Variants in EYS observed in about 807,000 individuals in gnomAD.
EYS encodes the protein protein eyes shut homolog.
EYS carries 250 observed loss-of-function variants against 282.1 expected under a neutral mutation model. The ratio of observed to expected loss-of-function variants is 0.89; its 90% CI spans 0.80 to 0.98. The LOEUF (loss-of-function observed/expected upper bound fraction) is 0.98. Ranked by LOEUF, EYS falls within the 50% of genes least tolerant of loss-of-function variation. The probability of loss-of-function intolerance (pLI) is 0.00; values close to 1 mark genes in which losing one functional copy is unlikely to be tolerated. For synonymous variants in EYS, 1,355 were observed against 1,282.9 expected (o/e 1.06, Z -1.20); for missense variants, 4,016 against 3,709.0 (o/e 1.08, Z -2.15).
At chr6:63,803,742 G>T (rs1482144006) in intron 37 of EYS, among the ~76,000 whole-genome samples, 1 of 152,166 alleles carries the variant, frequency 6.6e-6, no homozygotes, top group East Asian at 1.9e-4. Flanking sequence ...CAGACACTGG[G>T]CTAAGCATGG....
chr6:65,585,858 G>T, intron 2 of EYS, among the ~76,000 whole-genome samples: 1 of 151,942 alleles, frequency 6.6e-6, no homozygotes, highest in South Asian at 2.1e-4. Flanking sequence ...AATACTAAAA[G>T]GTTTAGTAAC....
At chr6:65,279,209 A>T (rs1768149875) in intron 12 of EYS, among the ~76,000 whole-genome samples, 1 of 148,104 alleles carries the variant, frequency 6.8e-6, no homozygotes, top group African/African-American at 2.4e-5. Flanking sequence ...AATAATAATA[A>T]CAAATAACAA....
At chr6:63,804,461 A>C (rs910632269) in intron 37 of EYS, among the ~76,000 whole-genome samples, 4 of 152,246 alleles carry the variant, frequency 2.6e-5, no homozygotes, top group African/African-American at 9.6e-5. Flanking sequence ...CATAATTTGC[A>C]CATGGTGGAG....
At chr6:64,218,875 G>C (rs1386624098) in intron 31 of EYS, among the ~76,000 whole-genome samples, 2 of 152,162 alleles carry the variant, frequency 1.3e-5, no homozygotes, top group South Asian at 2.1e-4. Context: ...TCCAATTGAT[G>C]ATGAGGAAGG....
intron 19 of EYS, among the ~76,000 whole-genome samples, chr6:64,847,722 C>A (rs1476362972): frequency 1.3e-5 from 2 of 151,890 alleles, no homozygotes; most frequent in African/African-American, 2.4e-5. Context: ...AACAAACAAA[C>A]AAAAAAACCA....
chr6:65,476,991 A>G (rs755039330), intron 5 of EYS, among the ~76,000 whole-genome samples: 1 of 152,212 alleles, frequency 6.6e-6, no homozygotes, highest in Non-Finnish European at 1.5e-5. Context: ...TCAAATCAAC[A>G]TTCTAAGAAA....
At chr6:65,049,419 A>G (rs941694002) in intron 13 of EYS, among the ~76,000 whole-genome samples, 1 of 151,776 alleles carries the variant, frequency 6.6e-6, no homozygotes, top group African/African-American at 2.4e-5. Flanking sequence ...GCACTTATCA[A>G]TATATACTTC....
chr6:64,238,290 C>T (rs1273294013), intron 30 of EYS, among the ~76,000 whole-genome samples: 1 of 152,086 alleles, frequency 6.6e-6, no homozygotes, highest in African/African-American at 2.4e-5. Flanking sequence ...CATTGCAGAC[C>T]GCTGTTTCAC....
At chr6:65,420,485 C>T (rs531708012) in intron 5 of EYS, among the ~76,000 whole-genome samples, 148 of 152,012 alleles carry the variant, frequency 9.7e-4, no homozygotes, top group African/African-American at 3.4e-3. Flanking sequence ...GCAGTTGCTT[C>T]TTCTACTGTT....
At chr6:64,070,615 C>A (rs916782033) in intron 32 of EYS, among the ~76,000 whole-genome samples, 1 of 151,968 alleles carries the variant, frequency 6.6e-6, no homozygotes, top group African/African-American at 2.4e-5. Flanking sequence ...TTCATAGTGT[C>A]TAGTTAAACT....
At chr6:64,197,585 T>C (rs887708903) in intron 31 of EYS, among the ~76,000 whole-genome samples, 5 of 152,186 alleles carry the variant, frequency 3.3e-5, no homozygotes, top group Non-Finnish European at 7.3e-5. Context: ...TTGTCAGAAA[T>C]AGTTTCCTCA....
intron 26 of EYS, among the ~76,000 whole-genome samples, chr6:64,548,965 A>G (rs892908236): frequency 2.0e-5 from 3 of 152,214 alleles, no homozygotes; most frequent in Admixed American, 6.5e-5. Context: ...AACAGCGTCT[A>G]CAGTGCTCAG....
At chr6:65,599,667 G>C (rs1263787694) in intron 2 of EYS, among the ~76,000 whole-genome samples, 1 of 151,996 alleles carries the variant, frequency 6.6e-6, no homozygotes, top group Admixed American at 6.6e-5. Context: ...AATATGAAAT[G>C]TTTATTCAGA....
chr6:65,492,506 A>G (rs1766086582), intron 4 of EYS, among the ~76,000 whole-genome samples: 1 of 152,324 alleles, frequency 6.6e-6, no homozygotes, highest in South Asian at 2.1e-4. Context: ...ACGCAAATTA[A>G]TATTCTGACA....
intron 22 of EYS, among the ~76,000 whole-genome samples, chr6:64,684,560 C>T (rs1020477976): frequency 2.3e-5 from 3 of 132,648 alleles, no homozygotes; most frequent in Non-Finnish European, 3.3e-5. Flanking sequence ...ATTTTTAAAG[C>T]AACAATTATA....
At chr6:65,332,336 G>A (rs149720492) in intron 11 of EYS, 27 of 756,734 alleles carry the variant, frequency 3.6e-5, no homozygotes, top group Middle Eastern at 2.3e-4. Flanking sequence ...ATATTCTTAC[G>A]ATAAATCCCA....
intron 19 of EYS, among the ~76,000 whole-genome samples, chr6:64,846,805 T>C (rs1007638965): frequency 1.3e-5 from 2 of 152,140 alleles, no homozygotes; most frequent in African/African-American, 2.4e-5. Flanking sequence ...TATGCAACTA[T>C]TATGAAATAA....
At chr6:65,136,078 A>C (rs2150205574) in intron 12 of EYS, among the ~76,000 whole-genome samples, 1 of 152,202 alleles carries the variant, frequency 6.6e-6, no homozygotes, top group South Asian at 2.1e-4. Context: ...TAAATAATAA[A>C]GACAAATAAA....
intron 12 of EYS, among the ~76,000 whole-genome samples, chr6:65,168,457 T>G (rs9453212): frequency 0.076 from 11,512 of 151,290 alleles, 929 homozygotes; most frequent in African/African-American, 0.2. Context: ...AGGTGTGGTA[T>G]AGGCCTCCTT....
Sources: gnomAD v4.1 joint callset for allele counts (sites outside exome capture counted in the v4.1 genomes callset) on GRCh38, gnomAD v4.1.1 for gene constraint, MANE v1.5 for transcripts, NCBI Gene and HGNC (gene_info 2026-07-23, HGNC 2026-07-21) for gene names.